The following PDS5A variants were observed in gnomAD, a reference collection of about 807,000 sequenced individuals.
The protein encoded by PDS5A is sister chromatid cohesion protein PDS5 homolog A.
PDS5A carries 42 observed loss-of-function variants against 167.1 expected under a neutral mutation model. That is an observed-to-expected ratio of 0.25 (90% CI 0.20 to 0.33). PDS5A has a LOEUF of 0.33. PDS5A is among the 10% of genes least tolerant of loss of function. The pLI, the probability that PDS5A is intolerant of heterozygous loss-of-function variation, is 1.00. For synonymous variants in PDS5A, 553 were observed against 554.6 expected (o/e 1.00, Z 0.04); for missense variants, 1,033 against 1,605.9 (o/e 0.64, Z 6.10).
chr4:39,845,894 AAAAG>A lies in PDS5A; in HGVS notation c.3340-18_3340-15del, dbSNP rs750350485. On this transcript the variant is annotated splice_polypyrimidine_tract_variant and intron_variant, in intron 28 of 32. Transcript: ENST00000303538. The stretch of plus-strand genomic sequence containing the variant: ...GTTACAGAAGTCCTATTAAAAAAAA[AAAAG>A]AAAAAGAAAAAAGAAACACCAATCA... The A allele has an allele frequency of 1.2e-5, 16 of 1,335,380 alleles. No individual in the cohort carries two copies. Among genetic ancestry groups the A allele is most frequent in the South Asian group, 7.2e-5 (4 of 55,262 alleles). The allele number at this position is 1,335,380 out of a possible 1,614,324, so 82.7% of individuals were successfully genotyped here.
At chr4:39,840,218 A>G (rs1379975878) in intron 31 of PDS5A, among the ~76,000 whole-genome samples, 1 of 152,222 alleles carries the variant, frequency 6.6e-6, no homozygotes, top group Non-Finnish European at 1.5e-5. Context: ...CAAAAGTCAG[A>G]TATGTGTGAT....
intron 20 of PDS5A, 114 bp downstream of exon 20, chr4:39,874,175 T>C (rs1372666404): frequency 1.0e-5 from 8 of 763,878 alleles, no homozygotes; most frequent in Non-Finnish European, 1.7e-5. Flanking sequence ...GAATTTATAG[T>C]CTAAGGTAGG....
At chr4:39,829,116 C>T (rs553916131) in intron 32 of PDS5A, among the ~76,000 whole-genome samples, 1 of 152,258 alleles carries the variant, frequency 6.6e-6, no homozygotes, top group South Asian at 2.1e-4. Flanking sequence ...AGGTTTGGCA[C>T]CTCTATGTCT....
intron 2 of PDS5A, among the ~76,000 whole-genome samples, chr4:39,969,752 G>GT (rs1730325160): frequency 6.6e-6 from 1 of 151,818 alleles, no homozygotes; most frequent in Non-Finnish European, 1.5e-5. Context: ...CTCTAATTCA[G>GT]TATTAATACA....
rs10664167 is a variant in PDS5A at position 39,923,638 on chromosome 4, A to AACACACACACACACACACACACACACAC, written c.528-918_528-891dup. On this transcript the variant is annotated intron_variant, in intron 5 of 32. Transcript: ENST00000303538. ...GGGACAGACCAAGACCCTGTCTCAA[A>AACACACACACACACACACACACACACAC]ACACACACACACACACACACACACA... 8.9e-4 allele frequency among the ~76,000 whole-genome samples: 112 copies of AACACACACACACACACACACACACACAC among 125,280 alleles called. 2 individuals carry two copies. The highest frequency in any genetic ancestry group is 4.0e-3 in the Middle Eastern group (1 of 250). The allele number at this position is 125,280 out of a possible 152,430, so 82.2% of individuals were successfully genotyped here.
chr4:39,965,679 G>A (rs959790160), intron 2 of PDS5A, among the ~76,000 whole-genome samples: 2 of 152,170 alleles, frequency 1.3e-5, no homozygotes, highest in Admixed American at 1.3e-4. Context: ...TCAATTATTT[G>A]AGAGTAAGGT....
chr4:39,936,028 G>A (rs1012747227), intron 2 of PDS5A, among the ~76,000 whole-genome samples: 4 of 151,994 alleles, frequency 2.6e-5, no homozygotes, highest in African/African-American at 7.3e-5. Context: ...CTTCTAATTC[G>A]CGATAAAAGG....
intron 23 of PDS5A, among the ~76,000 whole-genome samples, chr4:39,866,645 G>A (rs1047008415): frequency 6.6e-6 from 1 of 152,090 alleles, no homozygotes; most frequent in Non-Finnish European, 1.5e-5. Flanking sequence ...GTATTTACTG[G>A]AAAAAGTTCC....
chr4:39,826,506 A>ATTTATTTATTTAT (rs1715339592), intron 32 of PDS5A, among the ~76,000 whole-genome samples: 2 of 34,674 alleles, frequency 5.8e-5, no homozygotes, highest in Admixed American at 6.2e-4. Context: ...TATTTATTTG[A>ATTTATTTATTTAT]GATGGAGTCT....
At position 39,848,975 on chromosome 4, in the gene PDS5A, G is replaced by A. The variant is rs777861488; in HGVS notation, c.3220-5C>T. ...ATCACATACTGTATACAGTTTCTAG[G>A]GAGGAAAACGAATCATATATAACTT... On this transcript the variant is annotated splice_polypyrimidine_tract_variant and splice_region_variant and intron_variant, in intron 27 of 32. Coordinates refer to ENST00000303538, the MANE Select transcript of PDS5A (RefSeq NM_001100399.2). The A allele has an allele frequency of 1.9e-6, 3 of 1,566,018 alleles. No homozygotes were observed. The South Asian group carries it at 3.5e-5, about 18-fold the overall frequency.
At chr4:39,921,914 G>A (rs147302590) in intron 6 of PDS5A, among the ~76,000 whole-genome samples, 222 of 152,170 alleles carry the variant, frequency 1.5e-3, no homozygotes, top group African/African-American at 5.1e-3. Flanking sequence ...ATTTAAACTC[G>A]AGAAGAATTT....
intron 2 of PDS5A, among the ~76,000 whole-genome samples, chr4:39,934,626 T>C (rs974419134): frequency 3.4e-5 from 3 of 87,370 alleles, no homozygotes; most frequent in Admixed American, 3.3e-4. Context: ...TTTTTTTTTT[T>C]TTTTTTAAGA....
At chr4:39,952,997 G>C (rs754724400) in intron 2 of PDS5A, among the ~76,000 whole-genome samples, 4 of 152,104 alleles carry the variant, frequency 2.6e-5, no homozygotes, top group Non-Finnish European at 5.9e-5. Flanking sequence ...CCAAAGTGCT[G>C]GGATTACAGG....
intron 26 of PDS5A, among the ~76,000 whole-genome samples, chr4:39,856,888 T>C (rs1042863006): frequency 6.6e-6 from 1 of 151,670 alleles, no homozygotes; most frequent in Non-Finnish European, 1.5e-5. Flanking sequence ...TAAATCTAAG[T>C]AAATGGGAAT....
At chr4:39,892,439 G>C (rs1029899571) in intron 16 of PDS5A, among the ~76,000 whole-genome samples, 1 of 152,160 alleles carries the variant, frequency 6.6e-6, no homozygotes, top group African/African-American at 2.4e-5. Context: ...TGAAAATATA[G>C]CAGTCATTCT....
chr4:39,919,405 G>A (rs1724706204), intron 7 of PDS5A, among the ~76,000 whole-genome samples: 1 of 152,156 alleles, frequency 6.6e-6, no homozygotes, highest in African/African-American at 2.4e-5. Context: ...CAGCACTTTG[G>A]GAGGCTGAGG....
intron 2 of PDS5A, chr4:39,973,931 C>G: frequency 1.7e-6 from 1 of 574,566 alleles, no homozygotes; most frequent in Non-Finnish European, 3.2e-6. Flanking sequence ...CGAGACCATC[C>G]TGGCTAACAC....
At chr4:39,913,338 C>T (rs1724064173) in intron 9 of PDS5A, among the ~76,000 whole-genome samples, 2 of 152,100 alleles carry the variant, frequency 1.3e-5, no homozygotes, top group Admixed American at 1.3e-4. Context: ...CTCAGCCTCC[C>T]AAAGTGCTGG....
chr4:39,836,615 A>ATTTTTTTTTTTTTTT (rs71645192), intron 32 of PDS5A, among the ~76,000 whole-genome samples: 5 of 106,162 alleles, frequency 4.7e-5, no homozygotes, highest in Admixed American at 1.1e-4. Context: ...ATTTTTTTCT[A>ATTTTTTTTTTTTTTT]TTTTTTTTTT....
Sources: allele counts gnomAD v4.1 joint callset (sites outside exome capture counted in the v4.1 genomes callset), GRCh38; gene constraint gnomAD v4.1.1; transcripts MANE v1.5; gene names NCBI Gene and HGNC (gene_info 2026-07-23, HGNC 2026-07-21).